Variants in LRMDA observed in about 807,000 individuals in gnomAD.
LRMDA encodes the protein leucine rich melanocyte differentiation associated.
Under a neutral mutation model 29.8 loss-of-function variants are expected in LRMDA, and 18 were observed. The observed-to-expected ratio is 0.60, with a 90% confidence interval of 0.42 to 0.90. LRMDA has a LOEUF of 0.90. Ranked by LOEUF, LRMDA falls within the 40% of genes least tolerant of loss-of-function variation. The pLI, the probability that LRMDA is intolerant of heterozygous loss-of-function variation, is 0.00. For synonymous variants in LRMDA, 125 were observed against 109.4 expected, an observed-to-expected ratio of 1.14 and a Z score of -0.89; for missense variants, 273 against 273.9, an observed-to-expected ratio of 1.00 and a Z score of 0.02.
intron 2 of LRMDA, among the ~76,000 whole-genome samples, chr10:75,578,236 AAAAG>A: frequency 6.7e-6 from 1 of 148,386 alleles, no homozygotes; most frequent in Admixed American, 6.8e-5. Flanking sequence ...AAAAAAAAAA[AAAAG>A]CAGCAGTTGC....
intron 2 of LRMDA, among the ~76,000 whole-genome samples, chr10:75,630,044 C>T (rs180919594): frequency 2.8e-4 from 43 of 152,288 alleles, no homozygotes; most frequent in Admixed American, 2.5e-3. Context: ...TCATCGTGAT[C>T]AGGAGCTTTA....
intron 2 of LRMDA, among the ~76,000 whole-genome samples, chr10:75,956,382 G>A (rs1206632233): frequency 6.6e-6 from 1 of 152,188 alleles, no homozygotes; most frequent in African/African-American, 2.4e-5. Flanking sequence ...GTCTATTGGG[G>A]TCTCTGAATT....
intron 2 of LRMDA, among the ~76,000 whole-genome samples, chr10:75,676,722 G>A (rs1178478634): frequency 6.6e-6 from 1 of 152,030 alleles, no homozygotes; most frequent in Non-Finnish European, 1.5e-5. Flanking sequence ...CCTCTCTTAG[G>A]TAAATTCTCT....
At chr10:76,261,441 T>C (rs1839942312) in intron 5 of LRMDA, among the ~76,000 whole-genome samples, 1 of 151,986 alleles carries the variant, frequency 6.6e-6, no homozygotes, top group Non-Finnish European at 1.5e-5. Flanking sequence ...TGGGCTCATG[T>C]CCATCAGAAT....
chr10:75,808,433 C>T (rs796845970), intron 2 of LRMDA, among the ~76,000 whole-genome samples: 2 of 152,156 alleles, frequency 1.3e-5, no homozygotes, highest in Non-Finnish European at 2.9e-5. Context: ...GAAGGTGGTG[C>T]CCTGCACTCA....
chr10:75,855,255 A>C (rs553180107), intron 2 of LRMDA, among the ~76,000 whole-genome samples: 2,249 of 149,854 alleles, frequency 0.015, 54 homozygotes, highest in African/African-American at 0.047. Context: ...TTAATGATCG[A>C]CATTCGAACT....
chr10:75,695,235 C>T (rs1420610573), intron 2 of LRMDA, among the ~76,000 whole-genome samples: 1 of 152,108 alleles, frequency 6.6e-6, no homozygotes, highest in East Asian at 1.9e-4. Context: ...AAAAAAATAA[C>T]ATTTTTTAAA....
intron 6 of LRMDA, among the ~76,000 whole-genome samples, chr10:76,442,421 G>A (rs927860902): frequency 3.9e-5 from 6 of 152,204 alleles, no homozygotes; most frequent in African/African-American, 1.4e-4. Flanking sequence ...GCCAGATGTG[G>A]TGGCTTACAC....
intron 2 of LRMDA, among the ~76,000 whole-genome samples, chr10:75,710,587 T>A (rs1589166286): frequency 7.8e-6 from 1 of 127,748 alleles, no homozygotes; most frequent in Non-Finnish European, 2.0e-5. Flanking sequence ...AGAGGAGACT[T>A]TTTGCTGCTG....
intron 2 of LRMDA, among the ~76,000 whole-genome samples, chr10:75,797,018 G>C (rs1843664710): frequency 6.6e-6 from 1 of 152,140 alleles, no homozygotes; most frequent in Non-Finnish European, 1.5e-5. Flanking sequence ...CCTCCTCTGT[G>C]CTCTGAAAGA....
intron 5 of LRMDA, among the ~76,000 whole-genome samples, chr10:76,131,646 C>A (rs753085397): frequency 6.6e-6 from 1 of 150,734 alleles, no homozygotes; most frequent in Non-Finnish European, 1.5e-5. Flanking sequence ...TTCTTGCCAC[C>A]TTTTGCTATT....
chr10:75,877,514 C>A (rs763788727), intron 2 of LRMDA, among the ~76,000 whole-genome samples: 7 of 152,194 alleles, frequency 4.6e-5, no homozygotes, highest in Non-Finnish European at 7.3e-5. Context: ...GTTTGTAGCT[C>A]CACACCTAAT....
intron 5 of LRMDA, among the ~76,000 whole-genome samples, chr10:76,263,330 G>A (rs1839966661): frequency 6.6e-6 from 1 of 151,288 alleles, no homozygotes; most frequent in African/African-American, 2.4e-5. Flanking sequence ...TTATGCTTTT[G>A]CAAAAACTTT....
At chr10:75,453,841 G>T (rs1214987728) in intron 2 of LRMDA, among the ~76,000 whole-genome samples, 2 of 152,212 alleles carry the variant, frequency 1.3e-5, no homozygotes, top group Non-Finnish European at 2.9e-5. Context: ...ACCCATCATA[G>T]GGGCCATGGC....
intron 2 of LRMDA, among the ~76,000 whole-genome samples, chr10:75,999,065 G>A (rs2132467101): frequency 6.6e-6 from 1 of 152,302 alleles, no homozygotes; most frequent in East Asian, 1.9e-4. Context: ...CTAAAAACAG[G>A]TATGACTTCT....
chr10:76,072,337 A>G (rs1848888650), intron 5 of LRMDA, among the ~76,000 whole-genome samples: 1 of 152,068 alleles, frequency 6.6e-6, no homozygotes, highest in African/African-American at 2.4e-5. Context: ...CATTTTTCCA[A>G]CTTCTCCAAT....
chr10:75,842,359 CTTG>C (rs1844555683), intron 2 of LRMDA, among the ~76,000 whole-genome samples: 1 of 151,946 alleles, frequency 6.6e-6, no homozygotes, highest in African/African-American at 2.4e-5. Context: ...ATTTTTTTCT[CTTG>C]TTAGTTTCTC....
chr10:75,864,325 G>T (rs2132325241), intron 2 of LRMDA, among the ~76,000 whole-genome samples: 1 of 152,256 alleles, frequency 6.6e-6, no homozygotes, highest in Admixed American at 6.5e-5. Context: ...GAACCTATGG[G>T]ATGTGCTCTA....
chr10:75,916,461 G>C (rs1015815125), intron 2 of LRMDA, among the ~76,000 whole-genome samples: 2 of 152,088 alleles, frequency 1.3e-5, no homozygotes, highest in Admixed American at 1.3e-4. Context: ...CATTCCCCAG[G>C]AGGTCACCTC....
Sources: gnomAD v4.1 joint callset for allele counts (sites outside exome capture counted in the v4.1 genomes callset) on GRCh38, gnomAD v4.1.1 for gene constraint, MANE v1.5 for transcripts, NCBI Gene and HGNC (gene_info 2026-07-23, HGNC 2026-07-21) for gene names.